The following DOCK4 variants were observed in gnomAD, a reference collection of about 807,000 sequenced individuals.
DOCK4 encodes the protein dedicator of cytokinesis 4.
A neutral mutation model predicts 268.1 loss-of-function variants in DOCK4; 97 were observed. That is an observed-to-expected ratio of 0.36 (90% CI 0.31 to 0.43). DOCK4 has a LOEUF of 0.43. Ranked by LOEUF, DOCK4 falls within the 20% of genes least tolerant of loss-of-function variation. DOCK4 has a pLI of 1.00. For synonymous variants in DOCK4, 954 were observed against 887.2 expected (o/e 1.08, Z -1.34); for missense variants, 2,145 against 2,455.7 (o/e 0.87, Z 2.67).
At position 111,901,743 on chromosome 7, in the gene DOCK4, C is replaced by G. The variant is rs909901570; in HGVS notation, c.1251G>C (p.Gly417=). Residue 417 remains glycine, a synonymous_variant, in exon 14 of 53, where the codon GGG becomes GGC. Coordinates refer to ENST00000428084, the MANE Select transcript of DOCK4 (RefSeq NM_001363540.2). ...CTTCCACATTTCTGGCCACGCTCTT[C>G]CCTCCTTTCTCAAATTCTCCCCTTT... ...TIERGEFEKG[G]KSVARNVEVT... The G allele has an allele frequency of 6.2e-7, 1 of 1,611,594 alleles. No homozygotes were observed. The highest frequency in any genetic ancestry group is 1.7e-5 in the Admixed American group (1 of 59,994).
At chr7:112,113,733 G>C (rs1480116558) in intron 1 of DOCK4, among the ~76,000 whole-genome samples, 4 of 77,926 alleles carry the variant, frequency 5.1e-5, no homozygotes, top group Non-Finnish European at 9.9e-5. Flanking sequence ...ATACTTGGCT[G>C]ATTTTTTTTT....
chr7:111,779,505 CT>C (rs1798662334), intron 35 of DOCK4, among the ~76,000 whole-genome samples: 1 of 152,194 alleles, frequency 6.6e-6, no homozygotes, highest in Non-Finnish European at 1.5e-5. Flanking sequence ...TCAAGTGATT[CT>C]CCTGCCTCAG....
At chr7:112,190,028 C>T (rs897681149) in intron 1 of DOCK4, among the ~76,000 whole-genome samples, 1 of 152,088 alleles carries the variant, frequency 6.6e-6, no homozygotes, top group Non-Finnish European at 1.5e-5. Flanking sequence ...CTGTGGATGT[C>T]GGGGGGTTGC....
intron 27 of DOCK4, chr7:111,820,518 CA>C (rs1801894079): frequency 6.6e-6 from 1 of 152,152 alleles, no homozygotes; most frequent in African/African-American, 2.4e-5. Context: ...AAATTCTGAA[CA>C]GTGTGTGTTT....
intron 32 of DOCK4, among the ~76,000 whole-genome samples, chr7:111,786,003 CG>C (rs1799139688): frequency 6.6e-6 from 1 of 152,080 alleles, no homozygotes; most frequent in Non-Finnish European, 1.5e-5. Flanking sequence ...AATGGGGTTA[CG>C]TAGAAGTCAT....
chr7:112,066,682 T>TAC (rs1563051965), intron 1 of DOCK4, among the ~76,000 whole-genome samples: 2 of 15,560 alleles, frequency 1.3e-4, no homozygotes, highest in African/African-American at 5.9e-4. Context: ...TATACATATA[T>TAC]ACATATACAT....
At chr7:112,011,756 A>C (rs1031153820) in intron 1 of DOCK4, among the ~76,000 whole-genome samples, 46 of 147,114 alleles carry the variant, frequency 3.1e-4, no homozygotes, top group African/African-American at 9.9e-4. Flanking sequence ...CAAAAAAAAA[A>C]CAAAAAAAAA....
chr7:112,089,516 C>T (rs1398230297), intron 1 of DOCK4, among the ~76,000 whole-genome samples: 2 of 152,132 alleles, frequency 1.3e-5, no homozygotes, highest in African/African-American at 2.4e-5. Flanking sequence ...AACTTATATC[C>T]AGAAGTCCTT....
At chr7:111,839,488 A>T (rs1197433375) in intron 25 of DOCK4, among the ~76,000 whole-genome samples, 1 of 152,266 alleles carries the variant, frequency 6.6e-6, no homozygotes, top group African/African-American at 2.4e-5. Context: ...TAGTAACAAG[A>T]AATATTATGC....
intron 1 of DOCK4, among the ~76,000 whole-genome samples, chr7:112,013,395 C>T (rs1001485072): frequency 6.6e-6 from 1 of 152,216 alleles, no homozygotes; most frequent in African/African-American, 2.4e-5. Context: ...GCCATTGACA[C>T]CTAGTCAAAA....
chr7:112,048,865 C>T (rs987163217), intron 1 of DOCK4, among the ~76,000 whole-genome samples: 1 of 151,948 alleles, frequency 6.6e-6, no homozygotes, highest in African/African-American at 2.4e-5. Flanking sequence ...TTTGCTGCAC[C>T]TATCAACCCA....
intron 25 of DOCK4, among the ~76,000 whole-genome samples, chr7:111,835,809 C>T (rs1042054439): frequency 1.3e-5 from 2 of 152,110 alleles, no homozygotes; most frequent in African/African-American, 2.4e-5. Flanking sequence ...AATGTATCCT[C>T]GCCCACTGCC....
chr7:111,972,329 C>G (rs73717923), intron 8 of DOCK4, among the ~76,000 whole-genome samples: 14,048 of 151,600 alleles, frequency 0.093, 870 homozygotes, highest in East Asian at 0.32. Flanking sequence ...TCTACTCTGC[C>G]TTTTGCCACT....
At chr7:111,756,868 G>A (rs571551124) in intron 41 of DOCK4, among the ~76,000 whole-genome samples, 1 of 152,252 alleles carries the variant, frequency 6.6e-6, no homozygotes. Context: ...AGGGAGGTAA[G>A]CAGATGAATA....
At chr7:111,955,591 G>T (rs754743870) in intron 8 of DOCK4, among the ~76,000 whole-genome samples, 2 of 152,050 alleles carry the variant, frequency 1.3e-5, no homozygotes, top group African/African-American at 2.4e-5. Context: ...TCTCCGTCAC[G>T]CTATTTGTCT....
intron 8 of DOCK4, chr7:111,971,135 A>G (rs980873747): frequency 4.6e-5 from 7 of 152,598 alleles, no homozygotes; most frequent in African/African-American, 1.7e-4. Flanking sequence ...GATCACTAGC[A>G]TAAAGTAAGA....
At chr7:111,883,279 C>A (rs954886625) in intron 16 of DOCK4, among the ~76,000 whole-genome samples, 1 of 152,182 alleles carries the variant, frequency 6.6e-6, no homozygotes, top group Non-Finnish European at 1.5e-5. Context: ...AGGGCAGCAC[C>A]CCACATTCAC....
intron 1 of DOCK4, among the ~76,000 whole-genome samples, chr7:112,156,258 C>T (rs1038433129): frequency 2.6e-5 from 4 of 152,230 alleles, no homozygotes; most frequent in African/African-American, 9.6e-5. Flanking sequence ...GTTCTCTCTT[C>T]AGTCCTCCTT....
At chr7:111,949,807 G>A (rs556893593) in intron 8 of DOCK4, among the ~76,000 whole-genome samples, 5 of 152,244 alleles carry the variant, frequency 3.3e-5, no homozygotes, top group African/African-American at 7.2e-5. Context: ...CTATATTAAC[G>A]TATTTTGGAA....
Sources: allele counts gnomAD v4.1 joint callset (sites outside exome capture counted in the v4.1 genomes callset), GRCh38; gene constraint gnomAD v4.1.1; transcripts MANE v1.5; gene names NCBI Gene and HGNC (gene_info 2026-07-23, HGNC 2026-07-21).